NEGR1: variants seen among roughly 807,000 people sequenced by gnomAD.
The protein encoded by NEGR1 is neuronal growth regulator 1.
NEGR1 carries 10 observed loss-of-function variants against 40.9 expected under a neutral mutation model. The observed-to-expected ratio is 0.24, with a 90% CI of 0.15 to 0.42. NEGR1 has a LOEUF of 0.42. Ranked by LOEUF, NEGR1 falls within the 10% of genes least tolerant of loss-of-function variation. The probability of loss-of-function intolerance (pLI) is 1.00; values close to 1 mark genes in which losing one functional copy is unlikely to be tolerated. For missense variants in NEGR1, 352 were observed against 438.9 expected, an observed-to-expected ratio of 0.80 and a Z score of 1.77; for synonymous variants, 185 against 166.8, an observed-to-expected ratio of 1.11 and a Z score of -0.84.
intron 1 of NEGR1, among the ~76,000 whole-genome samples, chr1:72,152,854 T>G (rs1651176365): frequency 6.6e-6 from 1 of 151,640 alleles, no homozygotes; most frequent in African/African-American, 2.4e-5. Flanking sequence ...CAGTCAGGGG[T>G]CAAATCCTAA....
chr1:71,673,994 A>G (rs1652525089), intron 4 of NEGR1, among the ~76,000 whole-genome samples: 1 of 152,150 alleles, frequency 6.6e-6, no homozygotes, highest in South Asian at 2.1e-4. Flanking sequence ...TTATATTAAT[A>G]TAAGAATACA....
At chr1:71,480,190 T>C (rs909462118) in intron 6 of NEGR1, among the ~76,000 whole-genome samples, 10 of 151,932 alleles carry the variant, frequency 6.6e-5, no homozygotes, top group African/African-American at 2.4e-4. Context: ...TGCCAGACAT[T>C]GTTGTATGTT....
chr1:72,149,515 A>G (rs11209923), intron 1 of NEGR1, among the ~76,000 whole-genome samples: 31,594 of 152,124 alleles, frequency 0.21, 3,812 homozygotes, highest in South Asian at 0.29. Context: ...GATATAGTCT[A>G]TTTTAACACA....
chr1:71,869,411 A>G (rs1311877863), intron 2 of NEGR1, among the ~76,000 whole-genome samples: 1 of 152,218 alleles, frequency 6.6e-6, no homozygotes. Flanking sequence ...AAATACAGCT[A>G]TAAGGTTAAA....
At chr1:72,022,260 CATATATATATATATATATATATATAT>C (rs59160727) in intron 1 of NEGR1, among the ~76,000 whole-genome samples, 17 of 111,670 alleles carry the variant, frequency 1.5e-4, no homozygotes, top group Non-Finnish European at 1.9e-4. Context: ...AAACAATTTT[CATATATATATATATATATATATATAT>C]ATATATATAT....
intron 3 of NEGR1, among the ~76,000 whole-genome samples, chr1:71,728,052 C>A (rs1654730190): frequency 1.3e-5 from 2 of 152,112 alleles, no homozygotes; most frequent in African/African-American, 4.8e-5. Flanking sequence ...TATATGAAAT[C>A]CATTCAGGCA....
chr1:71,947,278 C>A (rs1420106079), intron 1 of NEGR1, among the ~76,000 whole-genome samples: 1 of 151,450 alleles, frequency 6.6e-6, no homozygotes, highest in African/African-American at 2.4e-5. Flanking sequence ...ACTCAAATGG[C>A]AAAACTTTTT....
intron 2 of NEGR1, among the ~76,000 whole-genome samples, chr1:71,827,950 G>A (rs495411): frequency 0.4 from 60,042 of 151,654 alleles, 12,564 homozygotes; most frequent in East Asian, 0.66. Flanking sequence ...AAGTAAATAC[G>A]TATTTCATTT....
chr1:71,742,915 C>G (rs1655261807), intron 3 of NEGR1, among the ~76,000 whole-genome samples: 1 of 152,190 alleles, frequency 6.6e-6, no homozygotes, highest in African/African-American at 2.4e-5. Flanking sequence ...GAAGCCCTGA[C>G]TCCCAGTGTG....
intron 2 of NEGR1, among the ~76,000 whole-genome samples, chr1:71,934,365 A>G (rs1251394133): frequency 6.6e-6 from 1 of 152,136 alleles, no homozygotes; most frequent in Admixed American, 6.5e-5. Context: ...GTATCTGGAG[A>G]TTGAAAGTTA....
At chr1:71,993,616 A>G (rs1186716843) in intron 1 of NEGR1, among the ~76,000 whole-genome samples, 2 of 152,226 alleles carry the variant, frequency 1.3e-5, no homozygotes, top group Non-Finnish European at 2.9e-5. Flanking sequence ...GAGAAATAAT[A>G]ATAGTGACAA....
At chr1:71,528,639 T>G (rs998804507) in intron 6 of NEGR1, among the ~76,000 whole-genome samples, 2 of 151,312 alleles carry the variant, frequency 1.3e-5, no homozygotes, top group African/African-American at 2.4e-5. Context: ...TAATATGGTA[T>G]CTTGTGGTGA....
intron 1 of NEGR1, among the ~76,000 whole-genome samples, chr1:72,132,194 G>A (rs1451665423): frequency 6.6e-6 from 1 of 152,132 alleles, no homozygotes; most frequent in African/African-American, 2.4e-5. Context: ...GTAAACTAAT[G>A]TGATTTCCAC....
chr1:71,451,789 T>G (rs1646630792), intron 6 of NEGR1, among the ~76,000 whole-genome samples: 1 of 152,232 alleles, frequency 6.6e-6, no homozygotes, highest in Non-Finnish European at 1.5e-5. Flanking sequence ...TAGGATATTT[T>G]AAATCTGACT....
At chr1:71,949,032 T>C (rs1340439758) in intron 1 of NEGR1, among the ~76,000 whole-genome samples, 1 of 152,136 alleles carries the variant, frequency 6.6e-6, no homozygotes, top group African/African-American at 2.4e-5. Context: ...AATACTGATA[T>C]GGCTTCTTCA....
At chr1:71,953,051 G>T (rs962781101) in intron 1 of NEGR1, among the ~76,000 whole-genome samples, 2 of 151,316 alleles carry the variant, frequency 1.3e-5, no homozygotes. Context: ...GAATGTACAA[G>T]AAGATTAATG....
chr1:72,066,041 TATCA>T (rs1647263799), intron 1 of NEGR1, among the ~76,000 whole-genome samples: 1 of 152,100 alleles, frequency 6.6e-6, no homozygotes, highest in African/African-American at 2.4e-5. Context: ...CAAGTACAAC[TATCA>T]ATACTCAGAA....
intron 1 of NEGR1, among the ~76,000 whole-genome samples, chr1:72,268,963 C>T (rs1448717230): frequency 6.6e-6 from 1 of 151,354 alleles, no homozygotes; most frequent in Non-Finnish European, 1.5e-5. Context: ...TGTAAAGCAG[C>T]CACAGCCATC....
chr1:71,716,150 T>G (rs906547794), intron 3 of NEGR1, among the ~76,000 whole-genome samples: 2 of 152,068 alleles, frequency 1.3e-5, no homozygotes, highest in Admixed American at 1.3e-4. Context: ...GCAGGGGAAA[T>G]GCCAGATGTT....
Sources: gnomAD v4.1 joint callset for allele counts (sites outside exome capture counted in the v4.1 genomes callset) on GRCh38, gnomAD v4.1.1 for gene constraint, MANE v1.5 for transcripts, NCBI Gene and HGNC (gene_info 2026-07-23, HGNC 2026-07-21) for gene names.